Variants in ASMTL observed in about 807,000 individuals in gnomAD.
ASMTL encodes the protein probable bifunctional dTTP/UTP pyrophosphatase/methyltransferase protein.
In ASMTL, 57 loss-of-function variants were observed where a neutral mutation model predicts 60.3. The ratio of observed to expected loss-of-function variants is 0.95; its 90% CI spans 0.76 to 1.18. The LOEUF (loss-of-function observed/expected upper bound fraction) is 1.18. Ranked by LOEUF, ASMTL falls within the 50% of genes most tolerant of loss-of-function variation. ASMTL has a pLI of 0.00. For missense variants in ASMTL, 981 were observed against 852.6 expected (o/e 1.15, Z -1.88); for synonymous variants, 419 against 373.0 (o/e 1.12, Z -1.42).
chrX:1,428,516 A>T (rs190118310), intron 6 of ASMTL, among the ~76,000 whole-genome samples: 37 of 151,656 alleles, frequency 2.4e-4, no homozygotes, highest in East Asian at 2.0e-4. Flanking sequence ...GTGTGGTGGC[A>T]CACGCCTGTA....
intron 6 of ASMTL, 134 bp downstream of exon 6, chrX:1,432,135 C>A (rs1308513509): frequency 7.3e-6 from 5 of 688,416 alleles, no homozygotes; most frequent in Non-Finnish European, 1.3e-5. Context: ...CTGAGCCGGG[C>A]GGCTCTCCCT....
intron 1 of ASMTL, among the ~76,000 whole-genome samples, chrX:1,445,964 C>T (rs764004668): frequency 1.1e-4 from 17 of 152,038 alleles, no homozygotes; most frequent in Non-Finnish European, 2.5e-4. Context: ...TCCTCCACCT[C>T]CTGTGGAGGA....
At position 1,435,217 on chromosome X, in the gene ASMTL, G is replaced by A. The variant is rs765590582; in HGVS notation, c.339-134C>T. On this transcript the variant is annotated intron_variant, in intron 4 of 12. Coordinates refer to ENST00000381317, the MANE Select transcript of ASMTL (RefSeq NM_004192.4). ...CGTCCCCAGCATCTTCTCCCCGATC[G>A]TCCCGCTGTGGGGTCTCCAGGGAAA... 8.5e-5 allele frequency: 80 copies of A among 944,800 alleles called. No homozygotes were observed. In the East Asian group the frequency reaches 9.8e-4, roughly 12 times the overall value. 58.5% of individuals were successfully genotyped at this position (944,800 alleles called of 1,614,324 possible). A position where few individuals can be genotyped will look rare whatever the true frequency, so the allele number is the denominator to read the frequency against.
chrX:1,411,111 G>C (rs2090001316), intron 12 of ASMTL, among the ~76,000 whole-genome samples: 3 of 152,104 alleles, frequency 2.0e-5, no homozygotes, highest in Non-Finnish European at 4.4e-5. Context: ...TTGAACCCTG[G>C]GGGTGGAGGT....
At chrX:1,420,394 CCTGT>C (rs2090450807) in intron 9 of ASMTL, among the ~76,000 whole-genome samples, 1 of 151,972 alleles carries the variant, frequency 6.6e-6, no homozygotes, top group Non-Finnish European at 1.5e-5. Flanking sequence ...TCTGTGTCTC[CCTGT>C]CTGTATGTCT....
intron 9 of ASMTL, among the ~76,000 whole-genome samples, chrX:1,419,333 A>G (rs1220897172): frequency 6.6e-6 from 1 of 152,040 alleles, no homozygotes; most frequent in Non-Finnish European, 1.5e-5. Context: ...GTGGTGGACG[A>G]TCTCCTTGGA....
At chrX:1,412,954 A>G (rs2090089946) in intron 11 of ASMTL, 100 bp from the exon 12 acceptor site, 6 of 1,333,928 alleles carry the variant, frequency 4.5e-6, no homozygotes, top group Non-Finnish European at 6.4e-6. Context: ...AATCAGGGAC[A>G]GAGAAGAGAG....
intron 6 of ASMTL, among the ~76,000 whole-genome samples, chrX:1,428,959 C>G (rs193066309): frequency 6.6e-6 from 1 of 151,248 alleles, no homozygotes; most frequent in Non-Finnish European, 1.5e-5. Flanking sequence ...TGCAGTGGCG[C>G]GATCTCGGCT....
At chrX:1,410,658 C>T (rs5948994) in intron 12 of ASMTL, among the ~76,000 whole-genome samples, 131,347 of 151,868 alleles carry the variant, frequency 0.86, 56,988 homozygotes, top group Middle Eastern at 0.97. Flanking sequence ...GAGATCTGCC[C>T]GCTTTGGCCT....
chrX:1,451,210 TA>T lies in ASMTL; in HGVS notation c.93+1537del, dbSNP rs56998939. Among the ~76,000 whole-genome samples, 7 of 1,470 alleles carry T rather than the reference TA, an allele frequency of 4.8e-3. 2 individuals are homozygous for T. Among genetic ancestry groups the T allele is most frequent in the African/African-American group, 0.018 (7 of 388 alleles). 1.0% of individuals were successfully genotyped at this position (1,470 alleles called of 152,430 possible). A position where few individuals can be genotyped will look rare whatever the true frequency, so the allele number is the denominator to read the frequency against. On this transcript the variant is annotated intron_variant, in intron 1 of 12. Coordinates refer to ENST00000381317, the MANE Select transcript of ASMTL (RefSeq NM_004192.4). Reference sequence around the variant, plus strand: ...TGGGACACTCCTCCCTCCCCATCCCTAAGGGGGTCCCAGGTCACTCTCCCCA... The same window carrying T: ...TGGGACACTCCTCCCTCCCCATCCCTAGGGGGTCCCAGGTCACTCTCCCCA...
chrX:1,430,678 G>A (rs1193867224), intron 6 of ASMTL, among the ~76,000 whole-genome samples: 1 of 151,594 alleles, frequency 6.6e-6, no homozygotes, highest in Non-Finnish European at 1.5e-5. Context: ...GGGCTGAGGT[G>A]AGAGGATCAT....
intron 11 of ASMTL, among the ~76,000 whole-genome samples, chrX:1,415,091 C>T (rs760852395): frequency 6.6e-6 from 1 of 152,198 alleles, no homozygotes; most frequent in South Asian, 2.1e-4. Flanking sequence ...TAGGCACCCG[C>T]CACCATGCCT....
intron 6 of ASMTL, 75 bp downstream of exon 6, chrX:1,432,194 G>T: frequency 8.0e-7 from 1 of 1,253,900 alleles, no homozygotes. Flanking sequence ...CAAAGGCTGG[G>T]TGGGACACCC....
chrX:1,411,599 C>T (rs1444096889), intron 12 of ASMTL, among the ~76,000 whole-genome samples: 4 of 53,334 alleles, frequency 7.5e-5, no homozygotes, highest in African/African-American at 1.9e-4. Flanking sequence ...CGTGTGTCTG[C>T]GTAGAAACAC....
At chrX:1,418,355 C>CCTTCT in intron 10 of ASMTL, among the ~76,000 whole-genome samples, 1 of 151,262 alleles carries the variant, frequency 6.6e-6, no homozygotes, top group African/African-American at 2.5e-5. Flanking sequence ...GGCTGTACTC[C>CCTTCT]CTTCTCCTTC....
intron 5 of ASMTL, among the ~76,000 whole-genome samples, chrX:1,434,109 C>G (rs1484319269): frequency 3.9e-5 from 6 of 152,150 alleles, no homozygotes; most frequent in African/African-American, 1.4e-4. Context: ...ACGATGCCTC[C>G]TGGTGTCCGC....
intron 6 of ASMTL, among the ~76,000 whole-genome samples, chrX:1,430,291 C>T (rs1295897046): frequency 1.3e-5 from 2 of 152,056 alleles, no homozygotes; most frequent in East Asian, 1.9e-4. Flanking sequence ...GGATGACAGG[C>T]GTGAGCCACC....
intron 8 of ASMTL, among the ~76,000 whole-genome samples, chrX:1,423,929 C>A (rs1302580538): frequency 1.8e-4 from 27 of 151,072 alleles, no homozygotes; most frequent in Non-Finnish European, 3.7e-4. Context: ...CTGATGGATC[C>A]ACTGATCCAT....
chrX:1,432,394 G>C lies in ASMTL; in HGVS notation c.401-17C>G. On this transcript the variant is annotated splice_polypyrimidine_tract_variant and intron_variant, in intron 5 of 12. Transcript: ENST00000381317. The stretch of plus-strand genomic sequence containing the variant: ...GCTGATGGTCTGCAAGGACACAGCC[G>C]TGGGGGTGAGCGTGGACGCCAGCTT... The C allele has an allele frequency of 2.5e-6, 4 of 1,602,592 alleles. No homozygotes were observed. Among genetic ancestry groups the C allele is most frequent in the Non-Finnish European group, 3.4e-6 (4 of 1,171,932 alleles).
Sources: allele counts gnomAD v4.1 joint callset (sites outside exome capture counted in the v4.1 genomes callset), GRCh38; gene constraint gnomAD v4.1.1; transcripts MANE v1.5; gene names NCBI Gene and HGNC (gene_info 2026-07-23, HGNC 2026-07-21).